Variants in FSTL5 observed in about 807,000 individuals in gnomAD.
FSTL5 encodes the protein follistatin like 5.
In FSTL5, 62 loss-of-function variants were observed where a neutral mutation model predicts 89.1. That is an observed-to-expected ratio of 0.70 (90% CI 0.57 to 0.86). The LOEUF (loss-of-function observed/expected upper bound fraction) is 0.86, where lower values mean the gene tolerates loss of function less well. FSTL5 is among the 40% of genes least tolerant of loss of function. The pLI is 0.00. For missense variants in FSTL5, 1,057 were observed against 1,001.6 expected (o/e 1.06, Z -0.75); for synonymous variants, 383 against 346.2 (o/e 1.11, Z -1.18).
Position 161,529,565 on chromosome 4 carries a change from G to A in FSTL5, c.1312+8601C>T, listed in dbSNP as rs1194738004. 2.1e-5 allele frequency among the ~76,000 whole-genome samples: 3 copies of A among 141,534 alleles called. 1 individual carries two copies. Among genetic ancestry groups the A allele is most frequent in the Non-Finnish European group, 4.6e-5 (3 of 64,762 alleles). 92.9% of individuals were successfully genotyped at this position (141,534 alleles called of 152,430 possible). On this transcript the variant is annotated intron_variant, in intron 10 of 15. Transcript: ENST00000306100. ...TCAAATATTAAACAAGTAATTTGGGGCTTTTCAAAAAGAAATACAAATTGT... is the reference window on the plus strand; with the variant it reads ...TCAAATATTAAACAAGTAATTTGGGACTTTTCAAAAAGAAATACAAATTGT...
At chr4:161,410,963 A>C (rs1268442576) in intron 15 of FSTL5, among the ~76,000 whole-genome samples, 1 of 152,012 alleles carries the variant, frequency 6.6e-6, no homozygotes, top group Non-Finnish European at 1.5e-5. Context: ...AAAAAAAAAA[A>C]ATAAGATTGA....
At chr4:161,454,573 T>C (rs1733282669) in intron 15 of FSTL5, among the ~76,000 whole-genome samples, 1 of 152,198 alleles carries the variant, frequency 6.6e-6, no homozygotes, top group Non-Finnish European at 1.5e-5. Context: ...GAACAAAATA[T>C]TTACATTGAA....
At chr4:161,434,534 G>T (rs564290673) in intron 15 of FSTL5, among the ~76,000 whole-genome samples, 2 of 151,708 alleles carry the variant, frequency 1.3e-5, no homozygotes, top group South Asian at 4.1e-4. Flanking sequence ...TTTTGTATCC[G>T]ATAAGCACAG....
At chr4:161,433,556 C>A (rs1403571819) in intron 15 of FSTL5, among the ~76,000 whole-genome samples, 2 of 151,832 alleles carry the variant, frequency 1.3e-5, no homozygotes, top group African/African-American at 2.4e-5. Context: ...GATTTGCTAG[C>A]TAAAGCAATC....
chr4:161,845,387 T>G (rs543438951), intron 4 of FSTL5, among the ~76,000 whole-genome samples: 13 of 152,224 alleles, frequency 8.5e-5, no homozygotes, highest in African/African-American at 2.6e-4. Flanking sequence ...GGCTTCAGAG[T>G]ACTTGGGAGC....
chr4:161,390,860 T>G (rs1445657201), intron 15 of FSTL5, among the ~76,000 whole-genome samples: 2 of 152,250 alleles, frequency 1.3e-5, no homozygotes, highest in African/African-American at 4.8e-5. Context: ...TTCTTCTCAC[T>G]ACTGACTTTC....
intron 8 of FSTL5, among the ~76,000 whole-genome samples, chr4:161,576,700 T>C (rs1733220764): frequency 6.6e-6 from 1 of 152,200 alleles, no homozygotes; most frequent in East Asian, 1.9e-4. Context: ...CCAACTATCA[T>C]CATCACACTC....
chr4:161,585,585 G>T (rs1733581437), intron 8 of FSTL5, among the ~76,000 whole-genome samples: 1 of 101,094 alleles, frequency 9.9e-6, no homozygotes, highest in Non-Finnish European at 1.8e-5. Context: ...TCTCCCTAAT[G>T]CTAAAAAAAA....
At chr4:161,690,475 A>G (rs1410923595) in intron 6 of FSTL5, among the ~76,000 whole-genome samples, 1 of 152,014 alleles carries the variant, frequency 6.6e-6, no homozygotes, top group East Asian at 1.9e-4. Context: ...TTTCTATTTA[A>G]CTATTCAAGT....
intron 13 of FSTL5, among the ~76,000 whole-genome samples, chr4:161,475,995 C>T (rs545954607): frequency 1.1e-4 from 16 of 151,960 alleles, no homozygotes; most frequent in Middle Eastern, 3.4e-3. Context: ...CCTCGTGATC[C>T]GCCCGCCTGG....
chr4:161,919,265 G>A (rs1424997857), intron 4 of FSTL5, among the ~76,000 whole-genome samples: 1 of 152,086 alleles, frequency 6.6e-6, no homozygotes, highest in Middle Eastern at 3.2e-3. Flanking sequence ...CTCTGCACAT[G>A]TATGTAAGAG....
At chr4:161,511,263 A>G (rs144094717) in intron 10 of FSTL5, among the ~76,000 whole-genome samples, 1 of 152,044 alleles carries the variant, frequency 6.6e-6, no homozygotes, top group South Asian at 2.1e-4. Flanking sequence ...TTTTTTTCCA[A>G]CTGAACCCAC....
chr4:161,765,084 C>T (rs769091217), intron 5 of FSTL5, among the ~76,000 whole-genome samples: 1 of 152,214 alleles, frequency 6.6e-6, no homozygotes, highest in Non-Finnish European at 1.5e-5. Context: ...ATTGCCAACA[C>T]TACTAAGATC....
At chr4:161,845,877 C>A (rs1428995952) in intron 4 of FSTL5, among the ~76,000 whole-genome samples, 1 of 152,000 alleles carries the variant, frequency 6.6e-6, no homozygotes, top group Non-Finnish European at 1.5e-5. Flanking sequence ...GAAACTCCAT[C>A]GCTACTAAAA....
At position 161,846,822 on chromosome 4, in the gene FSTL5, T is replaced by C. The variant is rs359118; in HGVS notation, c.410-70748A>G. On this transcript the variant is annotated intron_variant, in intron 4 of 15. Transcript: ENST00000306100. ...CACTTCTCTATGCAGCCATGCAGTC[T>C]TGTATTACTGACTTAGGCATTTACT... Among the ~76,000 whole-genome samples the C allele has an allele frequency of 2.4e-3, 364 of 152,328 alleles. 1 individual carries two copies. The highest frequency in any genetic ancestry group is 8.3e-3 in the African/African-American group (345 of 41,578).
intron 10 of FSTL5, among the ~76,000 whole-genome samples, chr4:161,530,997 C>T (rs1314458555): frequency 6.6e-6 from 1 of 152,156 alleles, no homozygotes; most frequent in South Asian, 2.1e-4. Context: ...CTCCTACTCC[C>T]TGTTGTGAGC....
intron 1 of FSTL5, among the ~76,000 whole-genome samples, chr4:162,143,968 T>C (rs1455393744): frequency 6.6e-6 from 1 of 152,100 alleles, no homozygotes; most frequent in Admixed American, 6.6e-5. Context: ...AGAGTCAAAA[T>C]TATTTACTAA....
chr4:161,925,574 A>C (rs558050358), intron 3 of FSTL5, among the ~76,000 whole-genome samples: 1 of 152,056 alleles, frequency 6.6e-6, no homozygotes, highest in African/African-American at 2.4e-5. Flanking sequence ...TGAATATATA[A>C]AATGAAGATA....
intron 4 of FSTL5, among the ~76,000 whole-genome samples, chr4:161,886,460 C>T (rs1732810768): frequency 6.6e-6 from 1 of 152,164 alleles, no homozygotes; most frequent in African/African-American, 2.4e-5. Context: ...GCACTCTCCA[C>T]ACGAATTCAT....
Sources: gnomAD v4.1 joint callset for allele counts (sites outside exome capture counted in the v4.1 genomes callset) on GRCh38, gnomAD v4.1.1 for gene constraint, MANE v1.5 for transcripts, NCBI Gene and HGNC (gene_info 2026-07-23, HGNC 2026-07-21) for gene names.